Variants in ARID4B observed in about 807,000 individuals in gnomAD.
ARID4B encodes AT-rich interaction domain 4B.
ARID4B carries 26 observed loss-of-function variants against 147.5 expected under a neutral mutation model. That is an observed-to-expected ratio of 0.18 (90% CI 0.13 to 0.24). ARID4B has a LOEUF of 0.24. Ranked by LOEUF, ARID4B falls within the 10% of genes least tolerant of loss-of-function variation. ARID4B has a pLI of 1.00. For missense variants in ARID4B, 1,179 were observed against 1,511.5 expected, an observed-to-expected ratio of 0.78 and a Z score of 3.65; for synonymous variants, 512 against 507.9, an observed-to-expected ratio of 1.01 and a Z score of -0.11.
rs1338290249 is a variant in ARID4B, at chr1:235,255,262, GATAT to G, written c.274+394_274+397del. ...AGATAGATAGATAGATAGATAGATA[GATAT>G]ATATCTCTCTCTCTCTCTCTCTATA... On this transcript the variant is annotated intron_variant, in intron 5 of 23. Transcript: ENST00000264183. 4.2e-3 allele frequency among the ~76,000 whole-genome samples: 235 copies of G among 56,364 alleles called. 1 individual carries two copies. Among genetic ancestry groups the G allele is most frequent in the African/African-American group, 0.012 (211 of 16,956 alleles). 37.0% of individuals were successfully genotyped at this position (56,364 alleles called of 152,430 possible). A position where few individuals can be genotyped will look rare whatever the true frequency, so the allele number is the denominator to read the frequency against.
intron 2 of ARID4B, among the ~76,000 whole-genome samples, chr1:235,312,756 T>C (rs773612112): frequency 1.6e-4 from 24 of 152,144 alleles, no homozygotes; most frequent in Non-Finnish European, 2.8e-4. Flanking sequence ...GGCGATCACC[T>C]GAGCTCGGGA....
intron 6 of ARID4B, among the ~76,000 whole-genome samples, chr1:235,251,187 G>C (rs1410821540): frequency 6.7e-6 from 1 of 149,342 alleles, no homozygotes; most frequent in Non-Finnish European, 1.5e-5. Flanking sequence ...CCCTAAAACA[G>C]CTTAAAATCT....
intron 17 of ARID4B, among the ~76,000 whole-genome samples, chr1:235,210,019 G>A (rs1666609222): frequency 6.6e-6 from 1 of 152,062 alleles, no homozygotes; most frequent in Admixed American, 6.6e-5. Flanking sequence ...CTTGAGCCCA[G>A]GAGTTTGAAA....
intron 14 of ARID4B, among the ~76,000 whole-genome samples, chr1:235,221,038 C>T (rs1045947027): frequency 6.6e-6 from 1 of 152,190 alleles, no homozygotes; most frequent in East Asian, 1.9e-4. Context: ...GCTGGGACTA[C>T]AGGCGTTAGC....
In ARID4B at chr1:235,229,296, C is replaced by T. The variant is rs763736504; in HGVS notation, c.832G>A (p.Ala278Thr). 26 of 1,613,564 alleles carry T rather than the reference C, an allele frequency of 1.6e-5. 1 individual carries two copies. In the South Asian group the frequency reaches 2.6e-4, roughly 16 times the overall value. Residue 278 changes from alanine (A) to threonine (T), a missense_variant, in exon 11 of 24, where the codon GCA (alanine) becomes ACA (threonine). Ala to Thr is a moderately conservative substitution (Grantham distance 58). Transcript: ENST00000264183. ...ELKEDSSSSE[A>T]EEEEEEEDDE... The stretch of plus-strand genomic sequence containing the variant: ...TCTTCCTCCTCCTCTTCTTCCTCTG[C>T]TTCACTGCTAGAGCTATCTTCTTTC...
chr1:235,209,783 C>T (rs1036376060), intron 17 of ARID4B, among the ~76,000 whole-genome samples: 3 of 151,928 alleles, frequency 2.0e-5, no homozygotes, highest in Admixed American at 2.0e-4. Context: ...AGGCTGGTTT[C>T]GAACTCCTGA....
At chr1:235,172,306 T>C (rs1341132650) in intron 23 of ARID4B, among the ~76,000 whole-genome samples, 2 of 152,192 alleles carry the variant, frequency 1.3e-5, no homozygotes, top group Non-Finnish European at 2.9e-5. Context: ...CAGGGCACTC[T>C]TGGCTCACGC....
At position 235,169,957 on chromosome 1, in the gene ARID4B, C is replaced by T. The variant is rs1050902232; in HGVS notation, c.3812-1305G>A. 4.6e-5 allele frequency among the ~76,000 whole-genome samples: 7 copies of T among 152,092 alleles called. 1 individual carries two copies. The highest frequency in any genetic ancestry group is 4.1e-4 in the South Asian group (2 of 4,830). On this transcript the variant is annotated intron_variant, in intron 23 of 23. Transcript: ENST00000264183. Reference sequence around the variant, plus strand: ...AATTACAGGCGTGAGCAATTGCGCCCGGCCTCTCTGTTATAAATTAGTGTT... The same window carrying T: ...AATTACAGGCGTGAGCAATTGCGCCTGGCCTCTCTGTTATAAATTAGTGTT...
At chr1:235,292,673 T>TA (rs1035693370) in intron 2 of ARID4B, among the ~76,000 whole-genome samples, 5 of 150,928 alleles carry the variant, frequency 3.3e-5, no homozygotes, top group African/African-American at 4.9e-5. Context: ...AAGGAACCCC[T>TA]AAAAAATCTT....
intron 2 of ARID4B, 22 bp from the exon 3 acceptor site, chr1:235,260,774 ATTAGAT>A (rs773097509): frequency 1.6e-5 from 24 of 1,513,584 alleles, no homozygotes; most frequent in Middle Eastern, 3.4e-4. Context: ...AAGAAATATA[ATTAGAT>A]TTAAACTCTC....
intron 17 of ARID4B, among the ~76,000 whole-genome samples, chr1:235,204,513 C>T (rs184884649): frequency 2.6e-5 from 4 of 152,080 alleles, no homozygotes; most frequent in South Asian, 2.1e-4. Context: ...AACAGCTCAA[C>T]GGAATGGTAT....
At chr1:235,319,385 ACCTCTGGTC>A (rs1674663020) in intron 2 of ARID4B, among the ~76,000 whole-genome samples, 1 of 152,072 alleles carries the variant, frequency 6.6e-6, no homozygotes, top group South Asian at 2.1e-4. Flanking sequence ...GGTGCCGTGC[ACCTCTGGTC>A]CCAGCTACCT....
At position 235,327,201 on chromosome 1, in the gene ARID4B, G is replaced by A. The variant is rs1475348594; in HGVS notation, c.-49-233C>T. The A allele has an allele frequency of 1.2e-5, 5 of 403,614 alleles. No homozygotes were observed. The East Asian group carries it at 1.7e-4, about 14-fold the overall frequency. 25.0% of individuals were successfully genotyped at this position (403,614 alleles called of 1,614,324 possible). A position where few individuals can be genotyped will look rare whatever the true frequency, so the allele number is the denominator to read the frequency against. ...CCGTCCCCATTGTCGAGACCCGACG[G>A]AGTTTCCCGTCTACGACAATGACGC... On this transcript the variant is annotated intron_variant, in intron 1 of 23. Transcript: ENST00000264183.
At chr1:235,221,158 A>C (rs1048995928) in intron 14 of ARID4B, among the ~76,000 whole-genome samples, 3 of 152,226 alleles carry the variant, frequency 2.0e-5, no homozygotes, top group African/African-American at 7.2e-5. Context: ...TCGGCCTCCC[A>C]AAGTGCTGAA....
intron 20 of ARID4B, chr1:235,180,895 G>C (rs1194029447): frequency 6.3e-6 from 1 of 159,442 alleles, no homozygotes; most frequent in Non-Finnish European, 1.4e-5. Flanking sequence ...CAGAAGTATG[G>C]CTATGGCACC....
In ARID4B at chr1:235,182,013, A is replaced by G. The variant is rs369497728; in HGVS notation, c.2906T>C (p.Leu969Pro). 2 of 1,614,132 alleles carry G rather than the reference A, an allele frequency of 1.2e-6. No individual in the cohort carries two copies. The highest frequency in any genetic ancestry group is 1.7e-6 in the Non-Finnish European group (2 of 1,180,022). The change falls in exon 20 of 24, where the codon CTG (leucine) becomes CCG (proline). Residue 969 changes from leucine (L) to proline (P), a missense_variant. Transcript: ENST00000264183. ...APEEGVAEES[L>P]QTVAEEESCS... ...ACTCTCCTCTTCAGCCACAGTCTGC[A>G]GTGACTCCTCTGCCACCCCCTCCTC...
At chr1:235,196,624 C>A (rs1000979386) in intron 17 of ARID4B, among the ~76,000 whole-genome samples, 1 of 151,918 alleles carries the variant, frequency 6.6e-6, no homozygotes, top group East Asian at 1.9e-4. Context: ...GAGACCAAGG[C>A]GGGCAGATCA....
intron 2 of ARID4B, among the ~76,000 whole-genome samples, chr1:235,278,805 A>G (rs1671497525): frequency 6.6e-6 from 1 of 152,232 alleles, no homozygotes; most frequent in Non-Finnish European, 1.5e-5. Flanking sequence ...GTATTCCTGT[A>G]CATGGGAATT....
chr1:235,236,848 ATATATATATATATATTTTTT>A (rs2103063121), intron 8 of ARID4B, among the ~76,000 whole-genome samples: 1 of 36,044 alleles, frequency 2.8e-5, no homozygotes, highest in Non-Finnish European at 5.5e-5. Context: ...ATATATATAT[ATATATATATATATATTTTTT>A]TTTTTTTTTT....
Sources: allele counts gnomAD v4.1 joint callset (sites outside exome capture counted in the v4.1 genomes callset), GRCh38; gene constraint gnomAD v4.1.1; transcripts MANE v1.5; gene names NCBI Gene and HGNC (gene_info 2026-07-23, HGNC 2026-07-21).